The following CCDC192 variants were observed in gnomAD, a reference collection of about 807,000 sequenced individuals.
CCDC192 encodes coiled-coil domain-containing protein 192.
intron 3 of CCDC192, among the ~76,000 whole-genome samples, chr5:127,793,691 G>A (rs1757007458): frequency 6.6e-6 from 1 of 152,184 alleles, no homozygotes; most frequent in South Asian, 2.1e-4. Flanking sequence ...ATAGGGTTTT[G>A]AGCAATGATG....
chr5:127,728,749 G>A (rs746640784), intron 2 of CCDC192, among the ~76,000 whole-genome samples: 11 of 152,104 alleles, frequency 7.2e-5, no homozygotes, highest in Non-Finnish European at 1.2e-4. Flanking sequence ...GACACAGAAT[G>A]GCAGGCTGAA....
At chr5:127,924,843 A>G (rs566168352) in intron 6 of CCDC192, among the ~76,000 whole-genome samples, 1 of 152,180 alleles carries the variant, frequency 6.6e-6, no homozygotes, top group Non-Finnish European at 1.5e-5. Flanking sequence ...GTAAAATGAC[A>G]TGGAGTAGGT....
intron 5 of CCDC192, among the ~76,000 whole-genome samples, chr5:127,868,982 AC>A (rs1204442840): frequency 6.2e-4 from 95 of 152,326 alleles, no homozygotes; most frequent in African/African-American, 2.1e-3. Flanking sequence ...CAGTATTTGC[AC>A]CTAAAAATAG....
intron 6 of CCDC192, among the ~76,000 whole-genome samples, chr5:127,889,397 T>C (rs1752664314): frequency 7.5e-6 from 1 of 132,718 alleles, no homozygotes; most frequent in African/African-American, 2.9e-5. Flanking sequence ...TTCTTTTCTT[T>C]TCTTTCTTTC....
At chr5:127,905,062 G>A (rs1292954755) in intron 6 of CCDC192, among the ~76,000 whole-genome samples, 1 of 151,990 alleles carries the variant, frequency 6.6e-6, no homozygotes, top group East Asian at 1.9e-4. Context: ...CTGGGCTTTT[G>A]CTGAAAAGGA....
chr5:127,741,529 G>A (rs1032173829), intron 2 of CCDC192, among the ~76,000 whole-genome samples: 6 of 152,256 alleles, frequency 3.9e-5, no homozygotes, highest in Admixed American at 1.3e-4. Flanking sequence ...GTGTGTGCAA[G>A]CTGTGCACAT....
At chr5:127,737,220 T>G (rs1753069625) in intron 2 of CCDC192, among the ~76,000 whole-genome samples, 1 of 152,116 alleles carries the variant, frequency 6.6e-6, no homozygotes, top group African/African-American at 2.4e-5. Flanking sequence ...GTTGTTCAGT[T>G]TCCATGTAGT....
chr5:127,722,161 C>G (rs1362584174), intron 2 of CCDC192, among the ~76,000 whole-genome samples: 1 of 152,192 alleles, frequency 6.6e-6, no homozygotes, highest in Non-Finnish European at 1.5e-5. Context: ...GCCATTTTAA[C>G]TGGGGTGAGA....
chr5:127,843,793 C>T lies in CCDC192; in HGVS notation c.412-31745C>T, dbSNP rs555660731. On this transcript the variant is annotated intron_variant, in intron 5 of 6. Coordinates refer to ENST00000514853, the MANE Select transcript of CCDC192 (RefSeq NM_001317938.2). The stretch of plus-strand genomic sequence containing the variant: ...AAGAAATACATTACCAGATCCTACC[C>T]AAGGTCTGCAGGTTTTCATGTAGGC... Among the ~76,000 whole-genome samples the T allele has an allele frequency of 3.0e-4, 46 of 152,288 alleles. No individual in the cohort carries two copies. In the South Asian group the frequency reaches 7.1e-3, roughly 23 times the overall value.
chr5:127,920,172 T>G (rs1753667539), intron 6 of CCDC192, among the ~76,000 whole-genome samples: 1 of 152,184 alleles, frequency 6.6e-6, no homozygotes, highest in Admixed American at 6.5e-5. Flanking sequence ...TCTTTTTCAG[T>G]TTTAATTAAA....
chr5:127,817,732 T>C (rs1211599638), intron 5 of CCDC192, among the ~76,000 whole-genome samples: 3 of 152,204 alleles, frequency 2.0e-5, no homozygotes, highest in Admixed American at 2.0e-4. Flanking sequence ...CTAATATTGC[T>C]GAATTGTACA....
At chr5:127,708,999 C>T (rs746579546) in intron 2 of CCDC192, among the ~76,000 whole-genome samples, 9 of 151,488 alleles carry the variant, frequency 5.9e-5, no homozygotes, top group East Asian at 1.9e-4. Context: ...GCAGGCTGTA[C>T]GGGAAGTATA....
intron 2 of CCDC192, among the ~76,000 whole-genome samples, chr5:127,722,873 T>C (rs537098695): frequency 6.6e-5 from 10 of 152,212 alleles, no homozygotes; most frequent in Non-Finnish European, 1.2e-4. Flanking sequence ...TGTGGTATAA[T>C]TTGAAGTCAG....
intron 3 of CCDC192, among the ~76,000 whole-genome samples, chr5:127,760,266 G>GTT (rs143610102): frequency 0.071 from 10,480 of 147,380 alleles, 650 homozygotes; most frequent in East Asian, 0.27. Flanking sequence ...TAATACAGTG[G>GTT]TTTTTTTTTT....
chr5:127,846,593 C>T (rs1750553258), intron 5 of CCDC192, among the ~76,000 whole-genome samples: 1 of 151,884 alleles, frequency 6.6e-6, no homozygotes, highest in South Asian at 2.1e-4. Flanking sequence ...CCTCAGCCTC[C>T]CGAGCAGCTG....
At chr5:127,739,521 C>T (rs1417249925) in intron 2 of CCDC192, 6 of 162,150 alleles carry the variant, frequency 3.7e-5, no homozygotes, top group Non-Finnish European at 7.9e-5. Context: ...GGGCGCCCCT[C>T]CCCCAGCCTC....
chr5:127,852,574 G>A (rs947319221), intron 5 of CCDC192, among the ~76,000 whole-genome samples: 3 of 152,078 alleles, frequency 2.0e-5, no homozygotes, highest in African/African-American at 4.8e-5. Flanking sequence ...CCAGAGCCTC[G>A]GCTGAGCCCT....
intron 2 of CCDC192, among the ~76,000 whole-genome samples, chr5:127,734,196 G>A (rs1010796230): frequency 1.3e-4 from 20 of 150,432 alleles, no homozygotes; most frequent in African/African-American, 4.2e-4. Context: ...TTGTTCTTGC[G>A]ATAGTTTACT....
intron 5 of CCDC192, among the ~76,000 whole-genome samples, chr5:127,843,159 C>T (rs903660027): frequency 1.3e-5 from 2 of 151,142 alleles, no homozygotes; most frequent in East Asian, 2.0e-4. Flanking sequence ...CTCAGCCTCC[C>T]GAGTAGCTGG....
Sources: allele counts gnomAD v4.1 joint callset (sites outside exome capture counted in the v4.1 genomes callset), GRCh38; gene constraint gnomAD v4.1.1; transcripts MANE v1.5; gene names NCBI Gene and HGNC (gene_info 2026-07-23, HGNC 2026-07-21).